FAM227B: variants seen among roughly 807,000 people sequenced by gnomAD.
FAM227B encodes the protein protein FAM227B.
In FAM227B, 88 loss-of-function variants were observed where a neutral mutation model predicts 73.8. That is an observed-to-expected ratio of 1.19 (90% CI 1.00 to 1.42). The LOEUF (loss-of-function observed/expected upper bound fraction) is 1.42. FAM227B is among the 40% of genes most tolerant of loss of function. FAM227B has a pLI of 0.00. For missense variants in FAM227B, 632 were observed against 590.9 expected (o/e 1.07, Z -0.72); for synonymous variants, 210 against 190.5 (o/e 1.10, Z -0.84).
intron 11 of FAM227B, among the ~76,000 whole-genome samples, chr15:49,469,291 C>T (rs144130237): frequency 8.5e-5 from 13 of 152,120 alleles, no homozygotes; most frequent in African/African-American, 3.1e-4. Flanking sequence ...TACCACTTAT[C>T]GAATACTGTC....
intron 8 of FAM227B, 40 bp from the exon 9 acceptor site, chr15:49,568,386 T>C (rs753951668): frequency 3.0e-5 from 45 of 1,489,676 alleles, no homozygotes; most frequent in Non-Finnish European, 4.0e-5. Flanking sequence ...TATTACAATT[T>C]AAAACTGGAA....
At chr15:49,423,490 A>C (rs995552999) in intron 11 of FAM227B, 11 of 152,188 alleles carry the variant, frequency 7.2e-5, no homozygotes, top group African/African-American at 2.7e-4. Context: ...GTTTTCTAAA[A>C]GTTTATCTCT....
intron 11 of FAM227B, among the ~76,000 whole-genome samples, chr15:49,474,815 C>CG (rs2055099046): frequency 6.6e-6 from 1 of 152,082 alleles, no homozygotes; most frequent in Admixed American, 6.5e-5. Context: ...ATCTAGGTTG[C>CG]GTGCTCCGTA....
At chr15:49,618,693 T>C (rs2078455861) in intron 1 of FAM227B, among the ~76,000 whole-genome samples, 1 of 152,168 alleles carries the variant, frequency 6.6e-6, no homozygotes, top group African/African-American at 2.4e-5. Flanking sequence ...AAAAGACCTT[T>C]ATCACTGCCT....
intron 3 of FAM227B, among the ~76,000 whole-genome samples, chr15:49,609,575 T>A (rs1260815064): frequency 6.6e-6 from 1 of 151,996 alleles, no homozygotes; most frequent in African/African-American, 2.4e-5. Context: ...TGCTTGTTTT[T>A]ATTCACTGAT....
intron 11 of FAM227B, among the ~76,000 whole-genome samples, chr15:49,401,509 C>T (rs1028372455): frequency 2.0e-5 from 3 of 151,402 alleles, no homozygotes; most frequent in Non-Finnish European, 4.4e-5. Flanking sequence ...GGGTATATAC[C>T]CAAAGGACTA....
chr15:49,484,391 C>T, intron 11 of FAM227B: 3 of 1,594,062 alleles, frequency 1.9e-6, no homozygotes, highest in Non-Finnish European at 2.5e-6. Flanking sequence ...TAAATGGACA[C>T]ACAACGGAGG....
At chr15:49,596,905 T>C (rs1455758725) in intron 3 of FAM227B, among the ~76,000 whole-genome samples, 3 of 151,882 alleles carry the variant, frequency 2.0e-5, no homozygotes, top group Non-Finnish European at 2.9e-5. Context: ...AAAGGCCTAG[T>C]CCAACAGGAA....
chr15:49,589,867 C>A lies in FAM227B; in HGVS notation c.246G>T (p.Leu82Phe). Residue 82 changes from leucine (L) to phenylalanine (F), a missense_variant, in exon 4 of 16, where the codon TTG becomes TTT. By Grantham distance (22) the Leu-to-Phe change is conservative. Transcript: ENST00000299338. ...ENVPRIFEAL[L>F]IMESKLKEYS... ...ATTCCTTTAATTTTGATTCCATGATCAAAAGTGCTTCAAATATTCGAGGAA... is the reference window on the plus strand; with the variant it reads ...ATTCCTTTAATTTTGATTCCATGATAAAAAGTGCTTCAAATATTCGAGGAA... 1 of 1,608,186 alleles carries A rather than the reference C, an allele frequency of 6.2e-7. No homozygotes were observed. Among genetic ancestry groups the A allele is most frequent in the South Asian group, 1.1e-5 (1 of 90,892 alleles).
At chr15:49,412,504 A>C (rs73398263) in intron 11 of FAM227B, among the ~76,000 whole-genome samples, 2 of 150,606 alleles carry the variant, frequency 1.3e-5, no homozygotes, top group African/African-American at 4.9e-5. Context: ...TATTCTTAAA[A>C]TTTTTTTTTT....
At chr15:49,453,290 G>T (rs2052946964) in intron 11 of FAM227B, among the ~76,000 whole-genome samples, 1 of 151,530 alleles carries the variant, frequency 6.6e-6, no homozygotes, top group Admixed American at 6.6e-5. Flanking sequence ...TTTATTTTAA[G>T]ATGGGATTTC....
chr15:49,581,577 C>G (rs2075816097), intron 5 of FAM227B, among the ~76,000 whole-genome samples: 1 of 152,118 alleles, frequency 6.6e-6, no homozygotes. Context: ...CTCGGCCTCC[C>G]AAAGTGCTGG....
At chr15:49,553,469 T>C (rs1269141388) in intron 9 of FAM227B, among the ~76,000 whole-genome samples, 2 of 152,184 alleles carry the variant, frequency 1.3e-5, no homozygotes, top group Admixed American at 1.3e-4. Flanking sequence ...GGCTCTACAA[T>C]CAGCAAGTGG....
chr15:49,334,905 A>G (rs1166148245), intron 14 of FAM227B, among the ~76,000 whole-genome samples: 5 of 152,202 alleles, frequency 3.3e-5, no homozygotes. Context: ...ACCCATTCCT[A>G]GCTTCCTAGC....
intron 11 of FAM227B, among the ~76,000 whole-genome samples, chr15:49,454,633 G>A (rs967564792): frequency 7.9e-5 from 12 of 151,790 alleles, no homozygotes; most frequent in South Asian, 2.1e-4. Context: ...TTTTTGAGAC[G>A]AAGTCTCGCT....
chr15:49,585,906 T>G (rs1487550753), intron 5 of FAM227B, among the ~76,000 whole-genome samples: 1 of 152,274 alleles, frequency 6.6e-6, no homozygotes, highest in East Asian at 1.9e-4. Flanking sequence ...AAACGTTCCA[T>G]GCTCGTGAAC....
At chr15:49,582,167 C>T (rs373097235) in intron 5 of FAM227B, among the ~76,000 whole-genome samples, 1 of 152,114 alleles carries the variant, frequency 6.6e-6, no homozygotes, top group Admixed American at 6.5e-5. Context: ...TAAATGCCCC[C>T]GTTAAAAGGC....
intron 11 of FAM227B, among the ~76,000 whole-genome samples, chr15:49,432,026 CTG>C (rs751002014): frequency 2.5e-4 from 38 of 151,784 alleles, no homozygotes; most frequent in Non-Finnish European, 5.0e-4. Context: ...GTGCCGAAAA[CTG>C]TAATAATCTT....
chr15:49,409,080 G>T (rs74012346), intron 11 of FAM227B, among the ~76,000 whole-genome samples: 2,641 of 152,174 alleles, frequency 0.017, 95 homozygotes, highest in African/African-American at 0.061. Flanking sequence ...TGGTTCATAT[G>T]TATGATTAAA....
Sources: gnomAD v4.1 joint callset for allele counts (sites outside exome capture counted in the v4.1 genomes callset) on GRCh38, gnomAD v4.1.1 for gene constraint, MANE v1.5 for transcripts, NCBI Gene and HGNC (gene_info 2026-07-23, HGNC 2026-07-21) for gene names.